The following SLBP variants were observed in gnomAD, a reference collection of about 807,000 sequenced individuals.
SLBP encodes the protein histone RNA hairpin-binding protein.
In SLBP, 29 loss-of-function variants were observed where a neutral mutation model predicts 39.2. That is an observed-to-expected ratio of 0.74 (90% confidence interval 0.55 to 1.01). The LOEUF (loss-of-function observed/expected upper bound fraction) is 1.01. SLBP is among the 50% of genes least tolerant of loss of function. SLBP has a pLI of 0.00. For missense variants in SLBP, 390 were observed against 350.2 expected (o/e 1.11, Z -0.91); for synonymous variants, 129 against 118.7 (o/e 1.09, Z -0.57).
intron 3 of SLBP, among the ~76,000 whole-genome samples, chr4:1,701,478 GT>G (rs1716328742): frequency 6.6e-6 from 1 of 152,146 alleles, no homozygotes; most frequent in Admixed American, 6.6e-5. Flanking sequence ...TATATTGCTA[GT>G]TTGTAGTCTG....
chr4:1,703,514 A>T, intron 3 of SLBP, 82 bp downstream of exon 3: 1 of 911,178 alleles, frequency 1.1e-6, no homozygotes, highest in Non-Finnish European at 1.8e-6. Context: ...TTTGAAAACC[A>T]CTGTTCTAAG....
chr4:1,697,774 G>A (rs1204975905), intron 5 of SLBP, among the ~76,000 whole-genome samples: 1 of 152,110 alleles, frequency 6.6e-6, no homozygotes, highest in Non-Finnish European at 1.5e-5. Context: ...AACCTGGGAG[G>A]CGGAGGTTGC....
At chr4:1,700,777 C>A (rs1437608461) in intron 3 of SLBP, among the ~76,000 whole-genome samples, 4 of 152,136 alleles carry the variant, frequency 2.6e-5, no homozygotes, top group Non-Finnish European at 5.9e-5. Context: ...GTTGCCCAGG[C>A]TGCTCTTGAA....
Position 1,694,988 on chromosome 4 carries a change from T to C in SLBP, c.630-148A>G. The stretch of plus-strand genomic sequence containing the variant: ...CTGAGGGGTCAGCTTTCAGTGACTA[T>C]TTGACAGACTTAATCCCAGCCCAAT... On this transcript the variant is annotated intron_variant, in intron 6 of 7. Transcript: ENST00000489418. 7.8e-6 allele frequency: 5 copies of C among 639,418 alleles called. No individual in the cohort carries two copies. The South Asian group carries it at 8.6e-5, about 11-fold the overall frequency. The allele number at this position is 639,418 out of a possible 1,614,324, so 39.6% of individuals were successfully genotyped here.
intron 6 of SLBP, 57 bp from the exon 7 acceptor site, chr4:1,694,897 G>A (rs982487096): frequency 1.2e-5 from 15 of 1,224,868 alleles, no homozygotes; most frequent in East Asian, 2.3e-5. Context: ...GCCAGGAGAC[G>A]GGGCGCTACA....
intron 2 of SLBP, among the ~76,000 whole-genome samples, chr4:1,709,189 G>T (rs1373346270): frequency 6.6e-6 from 1 of 151,776 alleles, no homozygotes; most frequent in African/African-American, 2.4e-5. Context: ...TCAACCTCCC[G>T]AGTAGCTGGG....
Position 1,712,295 on chromosome 4 carries a change from C to G in SLBP, c.-107G>C. 1 of 668,384 alleles carries G rather than the reference C, an allele frequency of 1.5e-6. No homozygotes were observed. The highest frequency in any genetic ancestry group is 2.2e-6 in the Non-Finnish European group (1 of 460,522). The allele number at this position is 668,384 out of a possible 1,614,324, so 41.4% of individuals were successfully genotyped here. The stretch of plus-strand genomic sequence containing the variant: ...CAGGGCCTGAGGCAGAAACCCGCGT[C>G]CCCGCGCCGGCGCTCACGAGCTCTG... On this transcript the variant is annotated 5_prime_UTR_variant, in exon 1 of 8. Coordinates refer to ENST00000489418, the MANE Select transcript of SLBP (RefSeq NM_006527.4).
rs774512983 is a variant in SLBP at position 1,693,225 on chromosome 4, T to C, written c.*372A>G. 42 of 179,706 alleles carry C rather than the reference T, an allele frequency of 2.3e-4. 1 individual carries two copies. The Middle Eastern group carries it at 0.015, about 66-fold the overall frequency. 11.1% of individuals were successfully genotyped at this position (179,706 alleles called of 1,614,324 possible). ...AGTAGCTGACTCTCAATTGGTCCCA[T>C]GGATTACATGGTTAAATCCAAAACA... On this transcript the variant is annotated 3_prime_UTR_variant, in exon 8 of 8. Coordinates refer to ENST00000489418, the MANE Select transcript of SLBP (RefSeq NM_006527.4).
rs752458560 is a variant in SLBP at position 1,696,292 on chromosome 4, C to T, written c.539G>A (p.Arg180Gln). The T allele has an allele frequency of 4.4e-6, 7 of 1,602,436 alleles. No homozygotes were observed. Among genetic ancestry groups the T allele is most frequent in the South Asian group, 1.1e-5 (1 of 88,928 alleles). ...TTTGATTTGCTGGTCCCATGAACGT[C>T]GACTATACTTCTTAAATTTATTAGG... The part of the protein sequence containing the change: ...KTPNKFKKYS[R>Q]RSWDQQIKLW... Residue 180 changes from arginine (R) to glutamine (Q), a missense_variant, in exon 6 of 8, where the codon CGA becomes CAA. Physicochemically the swap from Arg to Gln is conservative, Grantham distance 43. Coordinates refer to ENST00000489418, the MANE Select transcript of SLBP (RefSeq NM_006527.4).
intron 2 of SLBP, among the ~76,000 whole-genome samples, chr4:1,707,949 C>A (rs894988414): frequency 9.9e-5 from 15 of 151,910 alleles, no homozygotes; most frequent in African/African-American, 3.6e-4. Context: ...CGTGGTGGTG[C>A]GCACCTGTAA....
chr4:1,700,469 T>C (rs1488067139), intron 3 of SLBP, among the ~76,000 whole-genome samples: 1 of 142,588 alleles, frequency 7.0e-6, no homozygotes, highest in Non-Finnish European at 1.6e-5. Context: ...CAGAACGCAG[T>C]TTTGCAAAAA....
At position 1,712,082 on chromosome 4, in the gene SLBP, G is replaced by T. The variant is rs1289987822; in HGVS notation, c.59+48C>A. On this transcript the variant is annotated intron_variant, in intron 1 of 7. Transcript: ENST00000489418. ...CACACCCCGGCCCCGCACAACCCCC[G>T]CCCCACGGGGCACGCGCTCCCTCGC... 2.1e-5 allele frequency: 26 copies of T among 1,228,456 alleles called. No individual in the cohort carries two copies. In the Middle Eastern group the frequency reaches 1.9e-3, roughly 90 times the overall value. The allele number at this position is 1,228,456 out of a possible 1,614,324, so 76.1% of individuals were successfully genotyped here.
At chr4:1,711,152 GATT>G (rs1716751823) in intron 2 of SLBP, among the ~76,000 whole-genome samples, 1 of 131,792 alleles carries the variant, frequency 7.6e-6, no homozygotes, top group Non-Finnish European at 1.7e-5. Context: ...AGTTGGGTCC[GATT>G]TTTTTTTTTC....
At chr4:1,699,516 C>T (rs377036027) in intron 5 of SLBP, 48 bp downstream of exon 5, 25 of 1,602,776 alleles carry the variant, frequency 1.6e-5, no homozygotes, top group East Asian at 1.1e-4. Flanking sequence ...TCTTTAGAAA[C>T]GCAATGCCAC....
At chr4:1,711,801 G>A in intron 2 of SLBP, 73 bp downstream of exon 2, 1 of 758,020 alleles carries the variant, frequency 1.3e-6, no homozygotes, top group Non-Finnish European at 1.8e-6. Context: ...CCGCGAGAGC[G>A]CGACGAGGTC....
In SLBP at chr4:1,703,044, C is replaced by T. The variant is rs575733707; in HGVS notation, c.281+552G>A. Among the ~76,000 whole-genome samples, 7 of 152,064 alleles carry T rather than the reference C, an allele frequency of 4.6e-5. No homozygotes were observed. In the East Asian group the frequency reaches 1.4e-3, roughly 29 times the overall value. On this transcript the variant is annotated intron_variant, in intron 3 of 7. Transcript: ENST00000489418. ...GGCGGATCAGGAGTTCAAGACCAGCCTGACAAACATAGTGAAACCCCATCT... is the reference window on the plus strand; with the variant it reads ...GGCGGATCAGGAGTTCAAGACCAGCTTGACAAACATAGTGAAACCCCATCT...
At chr4:1,700,224 AGTAG>A in intron 3 of SLBP, 154 bp from the exon 4 acceptor site, 1 of 489,894 alleles carries the variant, frequency 2.0e-6, no homozygotes, top group Non-Finnish European at 3.6e-6. Flanking sequence ...GTTCAGTTTA[AGTAG>A]TGAGATCCAC....
At position 1,711,987 on chromosome 4, in the gene SLBP, C is replaced by T; in HGVS notation, c.63G>A (p.Pro21=). The T allele has an allele frequency of 7.7e-7, 1 of 1,292,306 alleles. No homozygotes were observed. The allele number at this position is 1,292,306 out of a possible 1,614,324, so 80.1% of individuals were successfully genotyped here. The change falls in exon 2 of 8, where the codon CCG becomes CCA. Residue 21 remains proline, a synonymous_variant. Transcript: ENST00000489418. ...HQSRCDGDAS[P]PSPARWSLGR... ...CCAGGCTCCATCGCGCGGGGGACGG[C>T]GGGCTGCGGGGAGGGACGCGGTCGG...
intron 5 of SLBP, among the ~76,000 whole-genome samples, chr4:1,698,243 G>A (rs771984733): frequency 7.3e-5 from 11 of 151,490 alleles, no homozygotes; most frequent in Non-Finnish European, 1.0e-4. Flanking sequence ...GCCTGTGGAG[G>A]CTGAGGCAGG....
Sources: allele counts gnomAD v4.1 joint callset (sites outside exome capture counted in the v4.1 genomes callset), GRCh38; gene constraint gnomAD v4.1.1; transcripts MANE v1.5; gene names NCBI Gene and HGNC (gene_info 2026-07-23, HGNC 2026-07-21).